Variants in LONP2 observed in about 807,000 individuals in gnomAD.
LONP2 encodes lon peptidase 2, peroxisomal.
LONP2 carries 60 observed loss-of-function variants against 85.6 expected under a neutral mutation model. The observed-to-expected ratio is 0.70, with a 90% CI of 0.57 to 0.87. LONP2 has a LOEUF of 0.87. Among genes scored for constraint, LONP2 ranks in the 40% least tolerant of loss-of-function variants. LONP2 has a pLI of 0.00. For missense variants in LONP2, 860 were observed against 1,063.5 expected, an observed-to-expected ratio of 0.81 and a Z score of 2.66; for synonymous variants, 395 against 389.7, an observed-to-expected ratio of 1.01 and a Z score of -0.16.
At chr16:48,287,362 T>G (rs1972467342) in intron 8 of LONP2, among the ~76,000 whole-genome samples, 1 of 152,266 alleles carries the variant, frequency 6.6e-6, no homozygotes, top group Non-Finnish European at 1.5e-5. Flanking sequence ...ATATCTCATT[T>G]CCCAGTTTTT....
At chr16:48,284,043 T>A (rs76379678) in intron 8 of LONP2, among the ~76,000 whole-genome samples, 1,862 of 152,278 alleles carry the variant, frequency 0.012, 39 homozygotes, top group African/African-American at 0.042. Context: ...GTTACCGCAG[T>A]TGTGGTAGAA....
At chr16:48,306,292 T>C (rs948869082) in intron 11 of LONP2, among the ~76,000 whole-genome samples, 1 of 152,262 alleles carries the variant, frequency 6.6e-6, no homozygotes, top group African/African-American at 2.4e-5. Flanking sequence ...TGTATAGTTA[T>C]ACATTGCTTA....
chr16:48,256,786 A>C, intron 3 of LONP2, 45 bp downstream of exon 3: 1 of 1,596,780 alleles, frequency 6.3e-7, no homozygotes, highest in Non-Finnish European at 8.6e-7. Context: ...GTCACTTTTT[A>C]TTGAGATCTA....
At chr16:48,299,582 TAA>T (rs767557935) in intron 9 of LONP2, 78 bp from the exon 10 acceptor site, 35 of 1,194,534 alleles carry the variant, frequency 2.9e-5, no homozygotes, top group East Asian at 5.6e-5. Context: ...ACTCTGTCTC[TAA>T]AAAAAAAAAC....
chr16:48,320,012 T>G (rs1344711752), intron 11 of LONP2, among the ~76,000 whole-genome samples: 1 of 151,742 alleles, frequency 6.6e-6, no homozygotes, highest in Non-Finnish European at 1.5e-5. Context: ...ATACAAAAAT[T>G]AGCCAGGCAT....
chr16:48,359,006 AG>A (rs1204417671), downstream of LONP2, among the ~76,000 whole-genome samples: 2 of 152,260 alleles, frequency 1.3e-5, no homozygotes, highest in Non-Finnish European at 2.9e-5. Flanking sequence ...TTGTTTTTTG[AG>A]CCAAGAGTCT....
chr16:48,348,035 T>C (rs1960023273), intron 13 of LONP2, 65 bp from the exon 14 acceptor site: 1 of 1,433,446 alleles, frequency 7.0e-7, no homozygotes, highest in African/African-American at 1.4e-5. Flanking sequence ...TGTGACTTTT[T>C]TTTTAGGAGA....
At chr16:48,280,959 A>G (rs914868712) in intron 8 of LONP2, among the ~76,000 whole-genome samples, 2 of 152,220 alleles carry the variant, frequency 1.3e-5, no homozygotes, top group African/African-American at 2.4e-5. Flanking sequence ...TTAAATTTAA[A>G]AAAAGAACAA....
downstream of LONP2, among the ~76,000 whole-genome samples, chr16:48,359,134 C>T (rs1266905116): frequency 6.6e-6 from 1 of 152,042 alleles, no homozygotes. Flanking sequence ...GCCATCATGC[C>T]TGGCTTTTTT....
intron 12 of LONP2, among the ~76,000 whole-genome samples, chr16:48,335,983 G>A (rs1006708552): frequency 2.0e-5 from 3 of 152,240 alleles, no homozygotes; most frequent in Admixed American, 2.0e-4. Flanking sequence ...CGTTCTGGGA[G>A]GATCCAGTGA....
chr16:48,255,228 T>TA (rs1971734134), intron 2 of LONP2, among the ~76,000 whole-genome samples: 1 of 152,176 alleles, frequency 6.6e-6, no homozygotes, highest in African/African-American at 2.4e-5. Context: ...GTCTGCCTAT[T>TA]AAAGTCACTC....
intron 8 of LONP2, among the ~76,000 whole-genome samples, chr16:48,289,111 G>T (rs1026189532): frequency 3.3e-5 from 5 of 152,166 alleles, no homozygotes; most frequent in Middle Eastern, 3.4e-3. Context: ...ATACTTTGCA[G>T]GAATCTTTTT....
chr16:48,295,796 A>G (rs979085011), intron 8 of LONP2, among the ~76,000 whole-genome samples: 12 of 152,166 alleles, frequency 7.9e-5, no homozygotes, highest in Non-Finnish European at 1.3e-4. Flanking sequence ...GTGCTATTAC[A>G]TTTTCAGAAA....
At chr16:48,345,589 C>T (rs907255221) in intron 12 of LONP2, 4 of 152,186 alleles carry the variant, frequency 2.6e-5, no homozygotes, top group East Asian at 1.9e-4. Context: ...TTGTGTCTTT[C>T]GCCTCAAGTT....
At chr16:48,312,382 A>G (rs999066315) in intron 11 of LONP2, among the ~76,000 whole-genome samples, 7 of 151,366 alleles carry the variant, frequency 4.6e-5, no homozygotes, top group East Asian at 3.9e-4. Context: ...CATATTTCCA[A>G]TATTACTGTG....
At chr16:48,342,826 C>A (rs1328515806) in intron 12 of LONP2, among the ~76,000 whole-genome samples, 2 of 152,192 alleles carry the variant, frequency 1.3e-5, no homozygotes, top group Non-Finnish European at 2.9e-5. Context: ...TTCAAGTGCT[C>A]TATGAGCTAC....
downstream of LONP2, chr16:48,362,339 T>G (rs1442630981): frequency 6.2e-7 from 1 of 1,614,194 alleles, no homozygotes; most frequent in East Asian, 2.2e-5. This position sits in a 1 kb window ranked among gnomAD's most constrained non-coding sequence, Gnocchi z 4.2. Flanking sequence ...CATTGTTGGA[T>G]GCAGTTGTGC....
chr16:48,264,805 A>G (rs1387731320), intron 6 of LONP2, among the ~76,000 whole-genome samples: 2 of 152,182 alleles, frequency 1.3e-5, no homozygotes, highest in African/African-American at 2.4e-5. Flanking sequence ...AATCTTCACA[A>G]TCCACGTTCT....
chr16:48,259,711 T>G (rs1268575144), intron 4 of LONP2, among the ~76,000 whole-genome samples: 3 of 152,094 alleles, frequency 2.0e-5, no homozygotes, highest in Non-Finnish European at 4.4e-5. Context: ...AGGAGAGAGA[T>G]AGGAACAGTG....
Sources: gnomAD v4.1 joint callset for allele counts (sites outside exome capture counted in the v4.1 genomes callset) on GRCh38, gnomAD v4.1.1 for gene constraint, Gnocchi (gnomAD v3.1) non-coding constraint, MANE v1.5 for transcripts, NCBI Gene and HGNC (gene_info 2026-07-23, HGNC 2026-07-21) for gene names.